The following STARD13 variants were observed in gnomAD, a reference collection of about 807,000 sequenced individuals.
STARD13 encodes stAR-related lipid transfer protein 13.
STARD13 carries 62 observed loss-of-function variants against 106.4 expected under a neutral mutation model. The observed-to-expected ratio is 0.58, with a 90% confidence interval of 0.48 to 0.72. The LOEUF is 0.72. Ranked by LOEUF, STARD13 falls within the 30% of genes least tolerant of loss-of-function variation. The pLI is 0.00. For synonymous variants in STARD13, 565 were observed against 553.0 expected, an observed-to-expected ratio of 1.02 and a Z score of -0.31; for missense variants, 1,387 against 1,424.0, an observed-to-expected ratio of 0.97 and a Z score of 0.42.
intron 1 of STARD13, among the ~76,000 whole-genome samples, chr13:33,192,404 CTGATA>C (rs1886315881): frequency 6.6e-6 from 1 of 152,104 alleles, no homozygotes; most frequent in Non-Finnish European, 1.5e-5. Flanking sequence ...AGTATTTGCC[CTGATA>C]TAAGTTGTAC....
chr13:33,559,108 G>A, the STARD13 span, among the ~76,000 whole-genome samples: 1 of 151,550 alleles, frequency 6.6e-6, no homozygotes, highest in East Asian at 1.9e-4. Flanking sequence ...CAAATGATTA[G>A]CAAAGACTGT....
At chr13:33,615,074 C>T in the STARD13 span, among the ~76,000 whole-genome samples, 5 of 152,164 alleles carry the variant, frequency 3.3e-5, no homozygotes, top group Non-Finnish European at 5.9e-5. Flanking sequence ...ACAATTTAAT[C>T]AACAAGAGAA....
chr13:33,355,516 C>T (rs1327167845), upstream of STARD13: 1 of 152,140 alleles, frequency 6.6e-6, no homozygotes, highest in Non-Finnish European at 1.5e-5. Flanking sequence ...TGGGGAAATG[C>T]CTTCCTTGAG....
chr13:33,228,849 A>T (rs1171156545), intron 1 of STARD13, among the ~76,000 whole-genome samples: 1 of 152,244 alleles, frequency 6.6e-6, no homozygotes, highest in Non-Finnish European at 1.5e-5. Context: ...CGAGTAAGAC[A>T]AGGATCTAAT....
At chr13:33,246,954 T>C (rs771150296) in intron 1 of STARD13, among the ~76,000 whole-genome samples, 1 of 152,156 alleles carries the variant, frequency 6.6e-6, no homozygotes. Flanking sequence ...CCCAGCACTT[T>C]GGGAGGCCGA....
At chr13:33,467,728 T>C in the STARD13 span, among the ~76,000 whole-genome samples, 1 of 152,204 alleles carries the variant, frequency 6.6e-6, no homozygotes, top group Non-Finnish European at 1.5e-5. Context: ...ACATTACCTG[T>C]ACTACCTATC....
the STARD13 span, among the ~76,000 whole-genome samples, chr13:33,637,685 T>G: frequency 1.3e-3 from 192 of 152,362 alleles, 1 homozygote; most frequent in African/African-American, 4.4e-3. Context: ...CTTACTATTT[T>G]GCAGCTCATT....
the STARD13 span, among the ~76,000 whole-genome samples, chr13:33,538,778 T>TC: frequency 1.3e-5 from 2 of 151,886 alleles, no homozygotes; most frequent in East Asian, 3.9e-4. Flanking sequence ...TTAATTTTTT[T>TC]TTTTTTTTTG....
intron 1 of STARD13, among the ~76,000 whole-genome samples, chr13:33,264,191 G>A (rs758159039): frequency 7.2e-5 from 11 of 152,202 alleles, no homozygotes; most frequent in Non-Finnish European, 1.0e-4. Context: ...GGCATAGCCC[G>A]CAGGTCTTGC....
the STARD13 span, among the ~76,000 whole-genome samples, chr13:33,576,895 G>T: frequency 1.3e-3 from 205 of 152,260 alleles, no homozygotes; most frequent in African/African-American, 4.9e-3. Flanking sequence ...CATTCTTAGT[G>T]ATTTTAATAA....
intron 1 of STARD13, among the ~76,000 whole-genome samples, chr13:33,317,370 C>T (rs1040330346): frequency 2.0e-5 from 3 of 152,150 alleles, no homozygotes; most frequent in African/African-American, 7.2e-5. Flanking sequence ...ATGAAGCATC[C>T]TACAATCAAC....
downstream of STARD13, among the ~76,000 whole-genome samples, chr13:33,347,072 G>C (rs563248353): frequency 4.5e-4 from 68 of 152,316 alleles, no homozygotes; most frequent in African/African-American, 1.5e-3. Flanking sequence ...AAGCAAGACA[G>C]AAAATAAGTC....
At chr13:33,312,875 C>G (rs763353956) in intron 1 of STARD13, among the ~76,000 whole-genome samples, 1 of 152,172 alleles carries the variant, frequency 6.6e-6, no homozygotes, top group Non-Finnish European at 1.5e-5. Flanking sequence ...CCATAAAGCA[C>G]GGTCCATTTG....
At position 33,110,709 on chromosome 13, in the gene STARD13, T is replaced by C; in HGVS notation, c.2806A>G (p.Asn936Asp). 1 of 1,614,194 alleles carries C rather than the reference T, an allele frequency of 6.2e-7. No homozygotes were observed. The highest frequency in any genetic ancestry group is 1.1e-5 in the South Asian group (1 of 91,088). ...KGWVTCSSTD[N>D]TDLAFKKVGD... The stretch of plus-strand genomic sequence containing the variant: ...ACCTTTTTGAAAGCAAGATCTGTAT[T>C]GTCCGTGCTGGAGCACGTGACCCAT... Residue 936 changes from asparagine (N) to aspartate (D), a missense_variant, in exon 11 of 14, where the codon AAT becomes GAT. Asn to Asp is a conservative substitution (Grantham distance 23). Coordinates refer to ENST00000336934, the MANE Select transcript of STARD13 (RefSeq NM_178006.4).
At chr13:33,219,041 A>G (rs917605874) in intron 1 of STARD13, among the ~76,000 whole-genome samples, 1 of 152,232 alleles carries the variant, frequency 6.6e-6, no homozygotes, top group African/African-American at 2.4e-5. Context: ...AATTTTAAAA[A>G]TATAACAATC....
the STARD13 span, among the ~76,000 whole-genome samples, chr13:33,516,861 A>G: frequency 6.6e-6 from 1 of 151,348 alleles, no homozygotes; most frequent in Non-Finnish European, 1.5e-5. Flanking sequence ...GGATCACTTG[A>G]GCCCAGCAGT....
At chr13:33,248,205 G>A (rs1413037987) in intron 1 of STARD13, among the ~76,000 whole-genome samples, 1 of 152,074 alleles carries the variant, frequency 6.6e-6, no homozygotes, top group Non-Finnish European at 1.5e-5. Context: ...TTCAAGACCA[G>A]CCTGGGCAAC....
At chr13:33,647,480 T>G in the STARD13 span, among the ~76,000 whole-genome samples, 5 of 152,164 alleles carry the variant, frequency 3.3e-5, no homozygotes, top group Admixed American at 2.0e-4. Flanking sequence ...CCCCTTCCCC[T>G]CCCTGCTCCT....
rs182467895 is a variant in STARD13, at chr13:33,297,313, C to T, written c.124+52977G>A. 4.7e-3 allele frequency among the ~76,000 whole-genome samples: 711 copies of T among 152,286 alleles called. 8 individuals are homozygous for T. Among genetic ancestry groups the T allele is most frequent in the African/African-American group, 0.016 (670 of 41,556 alleles). ...AAAATGACTCAACACTAATCAATCA[C>T]AAGAGAATATTTACTGAGCACCAAA... On this transcript the variant is annotated intron_variant, in intron 1 of 5. Coordinates refer to the STARD13 transcript ENST00000567873.
Sources: allele counts gnomAD v4.1 joint callset (sites outside exome capture counted in the v4.1 genomes callset), GRCh38; gene constraint gnomAD v4.1.1; transcripts MANE v1.5; gene names NCBI Gene and HGNC (gene_info 2026-07-23, HGNC 2026-07-21).